The following VNN2 variants were observed in gnomAD, a reference collection of about 807,000 sequenced individuals.
VNN2 encodes pantetheine hydrolase VNN2.
In VNN2, 43 loss-of-function variants were observed where a neutral mutation model predicts 43.0. The ratio of observed to expected loss-of-function variants is 1.00; its 90% confidence interval spans 0.78 to 1.29. VNN2 has a LOEUF of 1.29. VNN2 is among the 50% of genes most tolerant of loss of function. The probability of loss-of-function intolerance (pLI) is 0.00; values close to 1 mark genes in which losing one functional copy is unlikely to be tolerated. For missense variants in VNN2, 652 were observed against 619.7 expected (o/e 1.05, Z -0.55); for synonymous variants, 230 against 224.3 (o/e 1.03, Z -0.23).
intron 6 of VNN2, 78 bp downstream of exon 6, chr6:132,749,617 G>T: frequency 7.4e-7 from 1 of 1,344,978 alleles, no homozygotes; most frequent in Non-Finnish European, 1.0e-6. Flanking sequence ...GAAGTTAACT[G>T]GCAGAGTGGC....
chr6:132,757,873 G>A lies in VNN2; in HGVS notation c.11C>T (p.Ser4Phe), dbSNP rs750179501. Reference sequence around the variant, plus strand: ...AACTGCCACAGAGATTGGAAAAGAGGAAGTGACCATGGCCAAGGTTTAGTG... The same window carrying A: ...AACTGCCACAGAGATTGGAAAAGAGAAAGTGACCATGGCCAAGGTTTAGTG... MVTSSFPISVAVFA... is the reference protein window; with the variant it reads MVTFSFPISVAVFA... The change falls in exon 1 of 7, where the codon TCC (serine) becomes TTC (phenylalanine). Residue 4 changes from serine to phenylalanine, a missense_variant. By Grantham distance (155) the Ser-to-Phe change is radical. Coordinates refer to ENST00000326499, the MANE Select transcript of VNN2 (RefSeq NM_004665.6). 1.9e-6 allele frequency: 3 copies of A among 1,613,460 alleles called. No homozygotes were observed. Among genetic ancestry groups the A allele is most frequent in the East Asian group, 2.2e-5 (1 of 44,884 alleles).
chr6:132,757,368 C>T (rs188500119), intron 2 of VNN2, 48 bp downstream of exon 2: 5 of 1,547,938 alleles, frequency 3.2e-6, no homozygotes, highest in Admixed American at 4.1e-5. Context: ...TGAACGTGCG[C>T]ATTTTAGAGA....
intron 6 of VNN2, among the ~76,000 whole-genome samples, chr6:132,745,190 C>A (rs1779646555): frequency 6.6e-6 from 1 of 152,168 alleles, no homozygotes; most frequent in East Asian, 1.9e-4. Context: ...GGAAATTGGA[C>A]AGCTGGCTGT....
rs150864226 is a variant in VNN2, at chr6:132,751,294, G to C, written c.1051C>G (p.Leu351Val). 154 of 1,614,042 alleles carry C rather than the reference G, an allele frequency of 9.5e-5. 1 individual carries two copies. The highest frequency in any genetic ancestry group is 1.2e-4 in the Non-Finnish European group (146 of 1,180,044). ...ISRDGFNFTELFENAGNLTVC... is the reference protein window; with the variant it reads ...ISRDGFNFTEVFENAGNLTVC... ...GTAAGGTTTCCTGCATTTTCAAAAA[G>C]TTCTGTGAAGTTGAACCCATCCCTG... Residue 351 changes from leucine to valine, a missense_variant, in exon 5 of 7, where the codon CTT becomes GTT. Leu to Val is a conservative substitution (Grantham distance 32). Transcript: ENST00000326499.
In VNN2 at chr6:132,744,092, G is replaced by C; in HGVS notation, c.*208C>G. On this transcript the variant is annotated 3_prime_UTR_variant, in exon 7 of 7. Transcript: ENST00000326499. ...CCCAAACACCCAGGCTCTTTCCATTGTTCCACACTGCAACATTTCAGAGTA... is the reference window on the plus strand; with the variant it reads ...CCCAAACACCCAGGCTCTTTCCATTCTTCCACACTGCAACATTTCAGAGTA... The C allele has an allele frequency of 2.4e-6, 1 of 416,742 alleles. No individual in the cohort carries two copies. Among genetic ancestry groups the C allele is most frequent in the East Asian group, 4.6e-5 (1 of 21,622 alleles). The allele number at this position is 416,742 out of a possible 1,614,324, so 25.8% of individuals were successfully genotyped here.
chr6:132,759,742 G>GT (rs1324165894), upstream of VNN2, among the ~76,000 whole-genome samples: 5 of 152,180 alleles, frequency 3.3e-5, no homozygotes, highest in Non-Finnish European at 7.4e-5. Flanking sequence ...TTGAATAGAA[G>GT]TTTCTATTAA....
chr6:132,747,668 T>C (rs1217455899), intron 6 of VNN2, among the ~76,000 whole-genome samples: 1 of 152,218 alleles, frequency 6.6e-6, no homozygotes, highest in Non-Finnish European at 1.5e-5. Context: ...AGAGTTGAGA[T>C]GTACAAATAC....
chr6:132,762,072 C>A (rs1273078662), upstream of VNN2, among the ~76,000 whole-genome samples: 1 of 152,146 alleles, frequency 6.6e-6, no homozygotes, highest in Non-Finnish European at 1.5e-5. Context: ...TTTGGATGAC[C>A]GTGCTGAAGA....
upstream of VNN2, among the ~76,000 whole-genome samples, chr6:132,762,432 T>A (rs530845127): frequency 2.6e-5 from 4 of 152,296 alleles, no homozygotes; most frequent in East Asian, 7.7e-4. Context: ...TTAAAACTGT[T>A]CCTCTTAATA....
chr6:132,750,497 G>GTGTATGTATATATGTGTA, intron 5 of VNN2, among the ~76,000 whole-genome samples: 11 of 103,468 alleles, frequency 1.1e-4, no homozygotes, highest in South Asian at 3.3e-4. Context: ...TTGTATATGT[G>GTGTATGTATATATGTGTA]TATATATATA....
At chr6:132,744,616 G>A in intron 6 of VNN2, 125 bp from the exon 7 acceptor site, 1 of 954,382 alleles carries the variant, frequency 1.0e-6, no homozygotes, top group Non-Finnish European at 1.5e-6. Flanking sequence ...GGAGGATGCA[G>A]CAAGTAGGCC....
At chr6:132,750,995 CGTGTGTGTGTGTGTGTT>C in intron 5 of VNN2, 133 bp downstream of exon 5, 1 of 852,780 alleles carries the variant, frequency 1.2e-6, no homozygotes, top group Non-Finnish European at 1.8e-6. Context: ...CATAAATGCA[CGTGTGTGTGTGTGTGTT>C]GTGTGTGTGT....
chr6:132,761,883 G>A (rs1355602632), upstream of VNN2, among the ~76,000 whole-genome samples: 2 of 152,002 alleles, frequency 1.3e-5, no homozygotes, highest in Admixed American at 6.6e-5. Context: ...TAAAAGTTTA[G>A]GTAATCATAC....
chr6:132,758,043 T>TCTTCTTC (rs374005582), upstream of VNN2: 30 of 358,572 alleles, frequency 8.4e-5, no homozygotes, highest in African/African-American at 4.0e-4. Flanking sequence ...CTTCTTCTTT[T>TCTTCTTC]TTTTTTTTTT....
chr6:132,752,356 A>G, intron 4 of VNN2, 105 bp downstream of exon 4: 1 of 1,331,206 alleles, frequency 7.5e-7, no homozygotes, highest in Non-Finnish European at 1.0e-6. Flanking sequence ...TGACAAACAC[A>G]GTAAGAATTT....
At chr6:132,749,472 A>G (rs1779920909) in intron 6 of VNN2, among the ~76,000 whole-genome samples, 1 of 152,176 alleles carries the variant, frequency 6.6e-6, no homozygotes, top group Non-Finnish European at 1.5e-5. Context: ...AGCCAATGGC[A>G]GACACAATGA....
chr6:132,746,027 G>T (rs1441961852), intron 6 of VNN2, among the ~76,000 whole-genome samples: 6 of 152,226 alleles, frequency 3.9e-5, no homozygotes, highest in Non-Finnish European at 1.5e-5. Flanking sequence ...TTCACAAAGT[G>T]TCTTCACATG....
chr6:132,756,095 T>C, intron 2 of VNN2, 60 bp from the exon 3 acceptor site: 2 of 1,431,310 alleles, frequency 1.4e-6, no homozygotes, highest in Admixed American at 2.7e-5. Flanking sequence ...TCACTTTATA[T>C]GGAAACGATA....
Position 132,744,100 on chromosome 6 carries a change from C to A in VNN2, c.*200G>T. On this transcript the variant is annotated 3_prime_UTR_variant, in exon 7 of 7. Coordinates refer to ENST00000326499, the MANE Select transcript of VNN2 (RefSeq NM_004665.6). The stretch of plus-strand genomic sequence containing the variant: ...CCCAGGCTCTTTCCATTGTTCCACA[C>A]TGCAACATTTCAGAGTAGCCAAAAA... 2.3e-6 allele frequency: 1 copy of A among 443,816 alleles called. No homozygotes were observed. Among genetic ancestry groups the A allele is most frequent in the Non-Finnish European group, 3.9e-6 (1 of 258,734 alleles). 27.5% of individuals were successfully genotyped at this position (443,816 alleles called of 1,614,324 possible). A position where few individuals can be genotyped will look rare whatever the true frequency, so the allele number is the denominator to read the frequency against.
Sources: allele counts gnomAD v4.1 joint callset (sites outside exome capture counted in the v4.1 genomes callset), GRCh38; gene constraint gnomAD v4.1.1; transcripts MANE v1.5; gene names NCBI Gene and HGNC (gene_info 2026-07-23, HGNC 2026-07-21).